The following CTDSPL2 variants were observed in gnomAD, a reference collection of about 807,000 sequenced individuals.
CTDSPL2 encodes the protein CTD small phosphatase like 2, also known as CTD small phosphatase-like protein 2.
A neutral mutation model predicts 60.0 loss-of-function variants in CTDSPL2; 5 were observed. The observed-to-expected ratio is 0.08, with a 90% CI of 0.04 to 0.18. CTDSPL2 has a LOEUF of 0.18. Among genes scored for constraint, CTDSPL2 ranks in the 10% least tolerant of loss-of-function variants. CTDSPL2 has a pLI of 1.00. For synonymous variants in CTDSPL2, 186 were observed against 189.3 expected (o/e 0.98, Z 0.14); for missense variants, 370 against 548.8 (o/e 0.67, Z 3.26).
chr15:44,443,580 ATT>A (rs1398001762), intron 1 of CTDSPL2, among the ~76,000 whole-genome samples: 2 of 151,874 alleles, frequency 1.3e-5, no homozygotes, highest in Non-Finnish European at 2.9e-5. Context: ...TTTTATTTTT[ATT>A]TTTTTGATAC....
intron 2 of CTDSPL2, among the ~76,000 whole-genome samples, chr15:44,479,407 C>CTTTTTTTTTTTTTTTT (rs11414036): frequency 3.1e-5 from 3 of 97,890 alleles, no homozygotes; most frequent in African/African-American, 4.3e-5. Flanking sequence ...ATTTTCTTTC[C>CTTTTTTTTTTTTTTTT]TTTTTTTTTT....
intron 2 of CTDSPL2, among the ~76,000 whole-genome samples, chr15:44,469,864 G>A (rs997836740): frequency 7.2e-5 from 11 of 152,090 alleles, no homozygotes; most frequent in Non-Finnish European, 1.2e-4. Context: ...TTGGGAGGCC[G>A]AGGTGGGTGG....
intron 12 of CTDSPL2, among the ~76,000 whole-genome samples, chr15:44,522,658 T>C (rs1375905919): frequency 1.3e-5 from 2 of 151,790 alleles, no homozygotes; most frequent in Non-Finnish European, 2.9e-5. Flanking sequence ...GAGGCTGAGG[T>C]AGGAGAATCA....
chr15:44,503,184 G>C (rs895703838), intron 8 of CTDSPL2, among the ~76,000 whole-genome samples: 3 of 151,928 alleles, frequency 2.0e-5, no homozygotes, highest in Non-Finnish European at 4.4e-5. Context: ...AAAATTACAG[G>C]CTTTTTGTTT....
intron 2 of CTDSPL2, among the ~76,000 whole-genome samples, chr15:44,474,175 C>T (rs1189107747): frequency 1.3e-5 from 2 of 152,208 alleles, no homozygotes; most frequent in African/African-American, 4.8e-5. Flanking sequence ...TTTACAGCTT[C>T]ATCAAGAACT....
intron 4 of CTDSPL2, among the ~76,000 whole-genome samples, chr15:44,490,132 A>G (rs2081191187): frequency 6.6e-6 from 1 of 152,024 alleles, no homozygotes; most frequent in African/African-American, 2.4e-5. Context: ...ACCTGGGATT[A>G]TTATTTTTTC....
chr15:44,485,505 A>G (rs1231327857), intron 3 of CTDSPL2, among the ~76,000 whole-genome samples: 1 of 152,192 alleles, frequency 6.6e-6, no homozygotes, highest in African/African-American at 2.4e-5. Flanking sequence ...CGCACAACCT[A>G]GATCCCTTGC....
intron 5 of CTDSPL2, among the ~76,000 whole-genome samples, chr15:44,492,353 AAAAG>A (rs2081230915): frequency 6.6e-6 from 1 of 152,154 alleles, no homozygotes; most frequent in African/African-American, 2.4e-5. Context: ...ACAAAAGAAA[AAAAG>A]AAACATAGTT....
chr15:44,431,904 A>G (rs1335199304), intron 1 of CTDSPL2, among the ~76,000 whole-genome samples: 1 of 150,642 alleles, frequency 6.6e-6, no homozygotes, highest in Non-Finnish European at 1.5e-5. Flanking sequence ...TTTTTTCTTT[A>G]GTAGAGATGA....
chr15:44,488,188 G>C (rs1036713660), intron 4 of CTDSPL2, among the ~76,000 whole-genome samples: 7 of 152,082 alleles, frequency 4.6e-5, no homozygotes, highest in Non-Finnish European at 8.8e-5. Flanking sequence ...TTTTAAACTG[G>C]TGAATAATAC....
intron 2 of CTDSPL2, among the ~76,000 whole-genome samples, chr15:44,463,750 C>T (rs1185477362): frequency 6.6e-6 from 1 of 152,114 alleles, no homozygotes; most frequent in African/African-American, 2.4e-5. Context: ...ATCACATATT[C>T]TAAAATTGCG....
chr15:44,463,097 AAGATGTT>A (rs771123389), intron 2 of CTDSPL2, among the ~76,000 whole-genome samples: 2 of 152,052 alleles, frequency 1.3e-5, no homozygotes, highest in Non-Finnish European at 2.9e-5. Flanking sequence ...TCATTACTCA[AAGATGTT>A]ACATAAGATC....
rs181830215 is a variant in CTDSPL2, at chr15:44,435,651, A to G, written c.-25+7879A>G. On this transcript the variant is annotated intron_variant, in intron 1 of 12. Transcript: ENST00000260327. ...AGGCGGAGTCTCGCTCTGTCACCCA[A>G]TCTGGAGCGCAGTGGCGCAATCTGA... is the stretch of plus-strand genomic sequence containing the variant. 3.1e-3 allele frequency among the ~76,000 whole-genome samples: 464 copies of G among 148,428 alleles called. 3 individuals carry two copies. Among genetic ancestry groups the G allele is most frequent in the African/African-American group, 9.9e-3 (399 of 40,282 alleles).
At position 44,482,153 on chromosome 15, in the gene CTDSPL2, G is replaced by A. The variant is rs1037918340; in HGVS notation, c.187-2071G>A. On this transcript the variant is annotated intron_variant, in intron 2 of 12. Transcript: ENST00000260327. ...CAAGTTATCTCTGGTGGTCCCAGTC[G>A]TTGTTGTTTTAGAGACAGGGTCTCA... Among the ~76,000 whole-genome samples the A allele has an allele frequency of 1.5e-4, 23 of 152,206 alleles. 1 individual carries two copies. Among genetic ancestry groups the A allele is most frequent in the Admixed American group, 7.9e-4 (12 of 15,284 alleles).
chr15:44,505,358 G>A (rs75864439), intron 8 of CTDSPL2, among the ~76,000 whole-genome samples: 4,078 of 152,178 alleles, frequency 0.027, 95 homozygotes, highest in East Asian at 0.098. Flanking sequence ...GAGAGCTTCA[G>A]GCCCTAGTGA....
chr15:44,525,656 T>TA lies in CTDSPL2; in HGVS notation c.*1483dup. 1 of 394,796 alleles carries TA rather than the reference T, an allele frequency of 2.5e-6. No homozygotes were observed. 24.5% of individuals were successfully genotyped at this position (394,796 alleles called of 1,614,324 possible). A position where few individuals can be genotyped will look rare whatever the true frequency, so the allele number is the denominator to read the frequency against. On this transcript the variant is annotated 3_prime_UTR_variant, in exon 13 of 13. Transcript: ENST00000260327. ...ATGTCAATTAATTTTTTATGTATATTACCTGTTTACTTGTACAACTTACTG... is the reference window on the plus strand; with the variant it reads ...ATGTCAATTAATTTTTTATGTATATTAACCTGTTTACTTGTACAACTTACTG...
chr15:44,485,942 C>A (rs1297564222), intron 3 of CTDSPL2, among the ~76,000 whole-genome samples: 1 of 152,160 alleles, frequency 6.6e-6, no homozygotes, highest in Non-Finnish European at 1.5e-5. Context: ...TTAATTAGAA[C>A]AGTTGATTGA....
At chr15:44,435,858 C>T (rs1344264938) in intron 1 of CTDSPL2, among the ~76,000 whole-genome samples, 4 of 152,084 alleles carry the variant, frequency 2.6e-5, no homozygotes, top group South Asian at 2.1e-4. Context: ...CCACCCGCCT[C>T]GGCCTCCCAA....
chr15:44,471,523 A>G (rs1430112949), intron 2 of CTDSPL2, among the ~76,000 whole-genome samples: 1 of 152,174 alleles, frequency 6.6e-6, no homozygotes, highest in African/African-American at 2.4e-5. Context: ...CAAGGCCATC[A>G]ACGTATCTGT....
Sources: gnomAD v4.1 joint callset for allele counts (sites outside exome capture counted in the v4.1 genomes callset) on GRCh38, gnomAD v4.1.1 for gene constraint, MANE v1.5 for transcripts, NCBI Gene and HGNC (gene_info 2026-07-23, HGNC 2026-07-21) for gene names.